YIPF7: variants seen among roughly 807,000 people sequenced by gnomAD.
YIPF7 encodes Yip1 domain family member 7, also known as protein YIPF7.
A neutral mutation model predicts 27.2 loss-of-function variants in YIPF7; 35 were observed. The ratio of observed to expected loss-of-function variants is 1.29; its 90% CI spans 0.98 to 1.70. YIPF7 has a LOEUF of 1.70. Ranked by LOEUF, YIPF7 falls within the 40% of genes most tolerant of loss-of-function variation. YIPF7 has a pLI of 0.00. For missense variants in YIPF7, 358 were observed against 303.7 expected, an observed-to-expected ratio of 1.18 and a Z score of -1.33; for synonymous variants, 137 against 110.4, an observed-to-expected ratio of 1.24 and a Z score of -1.51.
In YIPF7 at chr4:44,635,998, C is replaced by T. The variant is rs1435402552; in HGVS notation, c.204G>A (p.Gln68=). The change falls in exon 3 of 6, where the codon CAG becomes CAA. Residue 68 remains glutamine (Q), a synonymous_variant. Transcript: ENST00000415895. ...MSSGYAGQFF[Q]PASNSDYYSQ... The stretch of plus-strand genomic sequence containing the variant: ...AATAATAATCTGAGTTGGATGCTGG[C>T]TGAAAAAATTGTCCTGCGTAACCCG... 6.2e-7 allele frequency: 1 copy of T among 1,613,830 alleles called. No individual in the cohort carries two copies. Among genetic ancestry groups the T allele is most frequent in the Non-Finnish European group, 8.5e-7 (1 of 1,179,830 alleles).
In YIPF7 at chr4:44,650,505, G is replaced by GCACACACA. The variant is rs150789716; in HGVS notation, c.-1-405_-1-404insTGTGTGTG. ...CAGGCGCACACACATGCGCGCGCGC[G>GCACACACA]CGCACACACACACACACACACACAC... On this transcript the variant is annotated intron_variant, in intron 1 of 5. Coordinates refer to ENST00000415895, the MANE Select transcript of YIPF7 (RefSeq NM_182592.3). 4.0e-3 allele frequency among the ~76,000 whole-genome samples: 487 copies of GCACACACA among 122,354 alleles called. 1 individual carries two copies. Among genetic ancestry groups the GCACACACA allele is most frequent in the Middle Eastern group, 0.018 (5 of 272 alleles). The allele number at this position is 122,354 out of a possible 152,430, so 80.3% of individuals were successfully genotyped here. A position where few individuals can be genotyped will look rare whatever the true frequency, so the allele number is the denominator to read the frequency against.
At chr4:44,657,252 A>G (rs1384605725) in intron 2 of YIPF7, among the ~76,000 whole-genome samples, 1 of 152,232 alleles carries the variant, frequency 6.6e-6, no homozygotes. Flanking sequence ...CTAATGACTT[A>G]CAGCTTAGAA....
chr4:44,634,496 C>A (rs952201301), intron 3 of YIPF7, among the ~76,000 whole-genome samples: 1 of 151,998 alleles, frequency 6.6e-6, no homozygotes, highest in African/African-American at 2.4e-5. Flanking sequence ...TGGGCCACTG[C>A]ACTCCAGCCT....
exon 2 of YIPF7, chr4:44,660,613 C>T (rs1166267888): frequency 6.6e-6 from 1 of 152,166 alleles, no homozygotes; most frequent in Non-Finnish European, 1.5e-5. Context: ...GCCTGACTTT[C>T]CCAAACTGCA....
At chr4:44,624,895 T>C in intron 4 of YIPF7, 113 bp from the exon 5 acceptor site, 4 of 955,634 alleles carry the variant, frequency 4.2e-6, no homozygotes, top group Non-Finnish European at 6.1e-6. Context: ...TTCCATGTCT[T>C]TGTAGGACTG....
At chr4:44,636,744 C>T (rs763897082) in intron 2 of YIPF7, among the ~76,000 whole-genome samples, 1 of 151,890 alleles carries the variant, frequency 6.6e-6, no homozygotes, top group African/African-American at 2.4e-5. Context: ...ATCTAGTTGG[C>T]TTTAGTGTCT....
intron 4 of YIPF7, among the ~76,000 whole-genome samples, chr4:44,627,145 TG>T (rs1712687990): frequency 6.6e-6 from 1 of 152,174 alleles, no homozygotes; most frequent in Non-Finnish European, 1.5e-5. Flanking sequence ...CCATGCATAT[TG>T]CTTTTTCAGA....
chr4:44,649,944 ACT>A (rs1472038568), intron 2 of YIPF7, 39 bp downstream of exon 2: 6 of 1,050,062 alleles, frequency 5.7e-6, no homozygotes, highest in South Asian at 3.0e-5. Context: ...ACAGAGTGAG[ACT>A]CTGTCAAAAA....
intron 3 of YIPF7, among the ~76,000 whole-genome samples, chr4:44,634,131 T>C (rs1343655804): frequency 1.3e-5 from 2 of 152,204 alleles, no homozygotes; most frequent in African/African-American, 4.8e-5. Context: ...AGGAATAACC[T>C]TTAAGGCGTG....
intron 2 of YIPF7, among the ~76,000 whole-genome samples, chr4:44,646,163 A>T (rs1713518140): frequency 6.6e-6 from 1 of 152,218 alleles, no homozygotes; most frequent in Non-Finnish European, 1.5e-5. Flanking sequence ...AACTAGTTAA[A>T]CATAACTGAT....
Position 44,622,499 on chromosome 4 carries a change from G to A in YIPF7, c.686C>T (p.Ala229Val), listed in dbSNP as rs1712478373. The change falls in exon 6 of 6, where the codon GCC becomes GTC. Residue 229 changes from alanine to valine, a missense_variant. Physicochemically the swap from Ala to Val is moderately conservative, Grantham distance 64. Transcript: ENST00000415895. ...AAGCTGCTGTCCTTCCATGTGCAAGGCTGCAATGAAGATCTTGGAAGCTGA... is the reference window on the plus strand; with the variant it reads ...AAGCTGCTGTCCTTCCATGTGCAAGACTGCAATGAAGATCTTGGAAGCTGA... ...SLSASKIFIAALHMEGQQLLV... is the reference protein window; with the variant it reads ...SLSASKIFIAVLHMEGQQLLV... The A allele has an allele frequency of 6.2e-7, 1 of 1,613,902 alleles. No homozygotes were observed. Among genetic ancestry groups the A allele is most frequent in the Non-Finnish European group, 8.5e-7 (1 of 1,179,856 alleles).
chr4:44,640,026 T>A (rs779815428), intron 2 of YIPF7, among the ~76,000 whole-genome samples: 23 of 152,334 alleles, frequency 1.5e-4, no homozygotes, highest in Non-Finnish European at 2.5e-4. Context: ...CATCCTTTCA[T>A]CCCTTGTATA....
exon 2 of YIPF7, chr4:44,660,531 C>T (rs530656983): frequency 1.3e-5 from 2 of 152,058 alleles, no homozygotes; most frequent in African/African-American, 4.8e-5. Flanking sequence ...AAGAGATGCC[C>T]GATTTTCAAG....
chr4:44,625,629 G>A (rs908901039), intron 4 of YIPF7, among the ~76,000 whole-genome samples: 4 of 152,084 alleles, frequency 2.6e-5, no homozygotes, highest in South Asian at 2.1e-4. Context: ...AGTAGTGTTC[G>A]GAGTACACTA....
At chr4:44,630,552 C>A (rs1407820784) in intron 3 of YIPF7, among the ~76,000 whole-genome samples, 1 of 152,170 alleles carries the variant, frequency 6.6e-6, no homozygotes, top group Non-Finnish European at 1.5e-5. Context: ...AGATTAAATT[C>A]TTGAGACGAG....
At chr4:44,628,588 T>A (rs867429616) in intron 4 of YIPF7, among the ~76,000 whole-genome samples, 1 of 152,116 alleles carries the variant, frequency 6.6e-6, no homozygotes, top group South Asian at 2.1e-4. Context: ...ACCATCTTTA[T>A]CATTTTCTGT....
chr4:44,656,846 AT>A (rs1713914660), intron 2 of YIPF7, among the ~76,000 whole-genome samples: 1 of 152,180 alleles, frequency 6.6e-6, no homozygotes, highest in Non-Finnish European at 1.5e-5. Context: ...CAATAAAAAA[AT>A]AAAATTTCTA....
chr4:44,649,902 A>T (rs1713663613), intron 2 of YIPF7, 83 bp downstream of exon 2: 1 of 767,304 alleles, frequency 1.3e-6, no homozygotes, highest in Non-Finnish European at 2.1e-6. Flanking sequence ...CATAATAACT[A>T]CAATATATTG....
At chr4:44,645,332 A>C (rs533208423) in intron 2 of YIPF7, among the ~76,000 whole-genome samples, 1 of 152,198 alleles carries the variant, frequency 6.6e-6, no homozygotes, top group Non-Finnish European at 1.5e-5. Context: ...ATGAGTTTTC[A>C]TATATTCTTA....
Sources: gnomAD v4.1 joint callset for allele counts (sites outside exome capture counted in the v4.1 genomes callset) on GRCh38, gnomAD v4.1.1 for gene constraint, MANE v1.5 for transcripts, NCBI Gene and HGNC (gene_info 2026-07-23, HGNC 2026-07-21) for gene names.